The following IQCM variants were observed in gnomAD, a reference collection of about 807,000 sequenced individuals.
The protein encoded by IQCM is IQ motif containing M.
IQCM carries 45 observed loss-of-function variants against 57.6 expected under a neutral mutation model. The ratio of observed to expected loss-of-function variants is 0.78; its 90% CI spans 0.62 to 1.00. The LOEUF (loss-of-function observed/expected upper bound fraction) is 1.00, where lower values mean the gene tolerates loss of function less well. IQCM is among the 50% of genes least tolerant of loss of function. The probability of loss-of-function intolerance (pLI) is 0.00; values close to 1 mark genes in which losing one functional copy is unlikely to be tolerated. For synonymous variants in IQCM, 148 were observed against 158.9 expected (o/e 0.93, Z 0.51); for missense variants, 468 against 511.6 (o/e 0.91, Z 0.82).
rs72953669 is a variant in IQCM, at chr4:149,373,537, G to A, written c.1391-21471C>T. Among the ~76,000 whole-genome samples, 1,191 of 152,132 alleles carry A rather than the reference G, an allele frequency of 7.8e-3. 13 individuals carry two copies. The highest frequency in any genetic ancestry group is 0.022 in the African/African-American group (926 of 41,494). On this transcript the variant is annotated intron_variant, in intron 13 of 13. Coordinates refer to ENST00000636793, the MANE Select transcript of IQCM (RefSeq NM_001363507.2). ...AATATATTTAATGGATGGCTGTTCAGGATTTGAATCTAGCTAGTCAACAGA... is the reference window on the plus strand; with the variant it reads ...AATATATTTAATGGATGGCTGTTCAAGATTTGAATCTAGCTAGTCAACAGA...
At chr4:149,610,078 A>G (rs1347170826) in intron 8 of IQCM, among the ~76,000 whole-genome samples, 1 of 151,986 alleles carries the variant, frequency 6.6e-6, no homozygotes, top group Non-Finnish European at 1.5e-5. Context: ...GCATGTTTAT[A>G]TGCCAACTGC....
chr4:149,400,473 T>C (rs1732541644), intron 13 of IQCM, among the ~76,000 whole-genome samples: 1 of 152,032 alleles, frequency 6.6e-6, no homozygotes, highest in Admixed American at 6.6e-5. Context: ...AAGAGCTGCC[T>C]TTCTGGGTTC....
chr4:149,386,074 T>A (rs1731402536), intron 13 of IQCM, among the ~76,000 whole-genome samples: 1 of 152,098 alleles, frequency 6.6e-6, no homozygotes, highest in African/African-American at 2.4e-5. Flanking sequence ...GTCGTAATAG[T>A]AGGACTTAGA....
intron 13 of IQCM, among the ~76,000 whole-genome samples, chr4:149,409,874 T>TAGC (rs1409784276): frequency 6.6e-6 from 1 of 152,120 alleles, no homozygotes; most frequent in Non-Finnish European, 1.5e-5. Flanking sequence ...CTGCATCCAG[T>TAGC]AGCACAGCCT....
intron 2 of IQCM, among the ~76,000 whole-genome samples, chr4:149,812,330 G>T (rs1433361596): frequency 6.6e-6 from 1 of 152,020 alleles, no homozygotes; most frequent in East Asian, 1.9e-4. Flanking sequence ...TTTAATTGGA[G>T]GATGGGAATG....
intron 7 of IQCM, among the ~76,000 whole-genome samples, chr4:149,628,215 G>C (rs188266741): frequency 7.4e-4 from 112 of 152,170 alleles, no homozygotes; most frequent in African/African-American, 2.5e-3. Context: ...TATTCTGCTA[G>C]ACCCAGGGGA....
At chr4:149,810,483 T>C (rs1774471418) in intron 2 of IQCM, among the ~76,000 whole-genome samples, 1 of 151,908 alleles carries the variant, frequency 6.6e-6, no homozygotes, top group Admixed American at 6.6e-5. Flanking sequence ...AGAGTCTTGC[T>C]CTGTCACCCA....
intron 2 of IQCM, among the ~76,000 whole-genome samples, chr4:149,808,925 G>A (rs976834567): frequency 1.3e-5 from 2 of 152,088 alleles, no homozygotes; most frequent in Non-Finnish European, 2.9e-5. Flanking sequence ...ACTCTAAATG[G>A]AAGTAAAAAG....
chr4:149,766,041 G>A (rs1770019135), intron 2 of IQCM, among the ~76,000 whole-genome samples: 1 of 152,150 alleles, frequency 6.6e-6, no homozygotes, highest in East Asian at 1.9e-4. Context: ...AGGTGAATTT[G>A]AGAAATATCT....
chr4:149,769,719 A>G (rs900285283), intron 2 of IQCM, among the ~76,000 whole-genome samples: 2 of 152,080 alleles, frequency 1.3e-5, no homozygotes, highest in African/African-American at 2.4e-5. Flanking sequence ...GGTCAATTGT[A>G]TAAGAGGACA....
At chr4:149,355,816 C>T (rs1328548740) in intron 13 of IQCM, among the ~76,000 whole-genome samples, 2 of 152,028 alleles carry the variant, frequency 1.3e-5, no homozygotes, top group Admixed American at 1.3e-4. Context: ...GAGGAATTGC[C>T]ACACTGACTT....
intron 7 of IQCM, among the ~76,000 whole-genome samples, chr4:149,637,094 G>C (rs1757786846): frequency 6.9e-6 from 1 of 144,020 alleles, no homozygotes; most frequent in African/African-American, 2.6e-5. Context: ...AGTGAGCCGA[G>C]ATTGCGCCAC....
chr4:149,473,152 A>G (rs1003895505), intron 12 of IQCM, among the ~76,000 whole-genome samples: 2 of 152,258 alleles, frequency 1.3e-5, no homozygotes, highest in African/African-American at 4.8e-5. Flanking sequence ...GAGCTTCTGC[A>G]CAGCAAAAGA....
intron 10 of IQCM, among the ~76,000 whole-genome samples, chr4:149,557,206 A>T (rs1436241807): frequency 6.6e-6 from 1 of 151,652 alleles, no homozygotes; most frequent in African/African-American, 2.4e-5. Flanking sequence ...TCGGCAGGAA[A>T]CTCCAATGTT....
chr4:149,627,146 C>T (rs1756883174), intron 7 of IQCM, among the ~76,000 whole-genome samples: 1 of 151,976 alleles, frequency 6.6e-6, no homozygotes, highest in African/African-American at 2.4e-5. Flanking sequence ...CTGGGGAGGG[C>T]AGGTATTGAT....
At chr4:149,742,807 A>G (rs982048448) in intron 2 of IQCM, 68 bp from the exon 3 acceptor site, 21 of 697,452 alleles carry the variant, frequency 3.0e-5, no homozygotes, top group Non-Finnish European at 4.2e-5. Flanking sequence ...TCTTTTGCTC[A>G]CTCATAGGTA....
intron 5 of IQCM, among the ~76,000 whole-genome samples, chr4:149,695,862 T>C (rs1210986632): frequency 6.6e-6 from 1 of 152,112 alleles, no homozygotes; most frequent in East Asian, 1.9e-4. Context: ...CTCTATGAAG[T>C]AGGAGGTAAG....
At chr4:149,382,045 A>G (rs60355306) in intron 13 of IQCM, among the ~76,000 whole-genome samples, 23,274 of 152,132 alleles carry the variant, frequency 0.15, 2,143 homozygotes, top group South Asian at 0.33. Context: ...GATTACAGGC[A>G]TGAGCCATCG....
In IQCM at chr4:149,702,499, G is replaced by C. The variant is rs552809679; in HGVS notation, c.386-16031C>G. ...GGAGAATGGTCTTGAAGAAACACCT[G>C]ACATAAATTAAGCACTCAGTAAAGA... On this transcript the variant is annotated intron_variant, in intron 5 of 13. Transcript: ENST00000636793. Among the ~76,000 whole-genome samples the C allele has an allele frequency of 2.6e-5, 4 of 151,960 alleles. No individual in the cohort carries two copies. The East Asian group carries it at 7.8e-4, about 29-fold the overall frequency.
Sources: gnomAD v4.1 joint callset for allele counts (sites outside exome capture counted in the v4.1 genomes callset) on GRCh38, gnomAD v4.1.1 for gene constraint, MANE v1.5 for transcripts, NCBI Gene and HGNC (gene_info 2026-07-23, HGNC 2026-07-21) for gene names.